Variants in COL4A2 observed in about 807,000 individuals in gnomAD.
The protein encoded by COL4A2 is collagen alpha-2(IV) chain.
Under a neutral mutation model 200.2 loss-of-function variants are expected in COL4A2, and 99 were observed. The ratio of observed to expected loss-of-function variants is 0.49; its 90% CI spans 0.42 to 0.58. COL4A2 has a LOEUF of 0.58. Ranked by LOEUF, COL4A2 falls within the 20% of genes least tolerant of loss-of-function variation. The pLI, the probability that COL4A2 is intolerant of heterozygous loss-of-function variation, is 0.00. For missense variants in COL4A2, 1,950 were observed against 2,314.1 expected (o/e 0.84, Z 3.23); for synonymous variants, 897 against 900.6 (o/e 1.00, Z 0.07).
intron 18 of COL4A2, among the ~76,000 whole-genome samples, chr13:110,448,971 C>T (rs1380159718): frequency 6.6e-6 from 1 of 152,238 alleles, no homozygotes. Flanking sequence ...ACACTCGGCA[C>T]GAAGCTGCCC....
rs969516770 is a variant in COL4A2, at chr13:110,465,718, T to C, written c.1978+112T>C. On this transcript the variant is annotated intron_variant, in intron 25 of 47. Transcript: ENST00000360467. ...CAGATGAGGATGCTGTTTTGCCTCATCTGTTCTCGCACGTACAAGGGATGA... is the reference window on the plus strand; with the variant it reads ...CAGATGAGGATGCTGTTTTGCCTCACCTGTTCTCGCACGTACAAGGGATGA... 6 of 1,063,390 alleles carry C rather than the reference T, an allele frequency of 5.6e-6. No homozygotes were observed. In the African/African-American group the frequency reaches 8.0e-5, roughly 14 times the overall value. 65.9% of individuals were successfully genotyped at this position (1,063,390 alleles called of 1,614,324 possible). A position where few individuals can be genotyped will look rare whatever the true frequency, so the allele number is the denominator to read the frequency against.
At chr13:110,356,184 A>G (rs1254886133) in intron 3 of COL4A2, among the ~76,000 whole-genome samples, 1 of 151,892 alleles carries the variant, frequency 6.6e-6, no homozygotes, top group Non-Finnish European at 1.5e-5. Flanking sequence ...CATCCAGGGA[A>G]CTCCCTCCAT....
In COL4A2 at chr13:110,383,606, C is replaced by CTTTTTTTT. The variant is rs67906394; in HGVS notation, c.180+26074_180+26081dup. On this transcript the variant is annotated intron_variant, in intron 4 of 47. Transcript: ENST00000360467. ...GTGGTTATTTTGTGTCAGCCCTTTT[C>CTTTTTTTT]TTTTTTTTTTTTTTTTTTTTTTTTT... Among the ~76,000 whole-genome samples the CTTTTTTTT allele has an allele frequency of 1.7e-4, 11 of 65,352 alleles. 1 individual carries two copies. Among genetic ancestry groups the CTTTTTTTT allele is most frequent in the East Asian group, 5.1e-4 (1 of 1,968 alleles). The allele number at this position is 65,352 out of a possible 152,430, so 42.9% of individuals were successfully genotyped here.
intron 3 of COL4A2, among the ~76,000 whole-genome samples, chr13:110,329,925 A>G (rs1159578888): frequency 3.9e-5 from 6 of 152,204 alleles, no homozygotes; most frequent in Non-Finnish European, 1.5e-5. Context: ...GTGCAGTGAA[A>G]TACGATATGA....
At position 110,385,825 on chromosome 13, in the gene COL4A2, A is replaced by G. The variant is rs200327519; in HGVS notation, c.180+28273A>G. On this transcript the variant is annotated intron_variant, in intron 4 of 47. Transcript: ENST00000360467. ...TAGGCCGTGGTTACAGTGTGTGGAT[A>G]GGCCGTGGTTACAGTGTGTGGATAG... Among the ~76,000 whole-genome samples, 3 of 51,878 alleles carry G rather than the reference A, an allele frequency of 5.8e-5. 1 individual carries two copies. Among genetic ancestry groups the G allele is most frequent in the African/African-American group, 1.8e-4 (3 of 16,420 alleles). 34.0% of individuals were successfully genotyped at this position (51,878 alleles called of 152,430 possible).
chr13:110,453,563 A>C (rs1057464994), intron 20 of COL4A2, among the ~76,000 whole-genome samples: 1 of 152,218 alleles, frequency 6.6e-6, no homozygotes, highest in South Asian at 2.1e-4. Context: ...TAACGTTGCC[A>C]TTATTCCTGT....
At chr13:110,470,943 GTCTGTA>G (rs1882447616) in intron 28 of COL4A2, among the ~76,000 whole-genome samples, 1 of 152,094 alleles carries the variant, frequency 6.6e-6, no homozygotes, top group African/African-American at 2.4e-5. Context: ...GGCTTCCTGT[GTCTGTA>G]TCAAGGCCCT....
chr13:110,310,759 G>T (rs747220314), intron 3 of COL4A2, among the ~76,000 whole-genome samples: 6 of 152,182 alleles, frequency 3.9e-5, no homozygotes, highest in Non-Finnish European at 8.8e-5. Flanking sequence ...GCTAGGATGG[G>T]CAGTGAAGAG....
intron 47 of COL4A2, among the ~76,000 whole-genome samples, chr13:110,511,176 G>A (rs1184809068): frequency 2.0e-5 from 3 of 151,246 alleles, no homozygotes; most frequent in South Asian, 4.2e-4. Context: ...CAGGAGGCCT[G>A]CCGTGCGCTT....
chr13:110,381,388 G>C (rs1038370996), intron 4 of COL4A2, among the ~76,000 whole-genome samples: 2 of 152,190 alleles, frequency 1.3e-5, no homozygotes, highest in African/African-American at 4.8e-5. Context: ...CTCCTCTACC[G>C]TAGCCAGATT....
intron 6 of COL4A2, among the ~76,000 whole-genome samples, 164 bp from the exon 7 acceptor site, chr13:110,428,302 CT>C (rs1428218734): frequency 6.6e-6 from 1 of 152,224 alleles, no homozygotes; most frequent in Non-Finnish European, 1.5e-5. Context: ...TATGCCTTCA[CT>C]TATTTAATCT....
At position 110,438,667 on chromosome 13, in the gene COL4A2, G is replaced by C; in HGVS notation, c.911G>C (p.Arg304Thr). The C allele has an allele frequency of 6.2e-7, 1 of 1,614,214 alleles. No homozygotes were observed. The highest frequency in any genetic ancestry group is 8.5e-7 in the Non-Finnish European group (1 of 1,180,028). The change falls in exon 15 of 48, where the codon AGG (arginine) becomes ACG (threonine). Residue 304 changes from arginine to threonine, a missense_variant and splice_region_variant. Arg to Thr is a moderately conservative substitution (Grantham distance 71, BLOSUM62 -1). This residue lies in a region of COL4A2 where 565 missense variants were observed against 593.5 expected (regional missense o/e 0.95). Coordinates refer to ENST00000360467, the MANE Select transcript of COL4A2 (RefSeq NM_001846.4). ...EEGIMGFPGL[R>T]GYPGLSGEKG... Reference sequence around the variant, plus strand: ...GGAATCATGGGCTTTCCTGGACTGAGGGTAAACCACGCCTTTTATAACTGC... The same window carrying C: ...GGAATCATGGGCTTTCCTGGACTGACGGTAAACCACGCCTTTTATAACTGC...
chr13:110,350,271 A>G (rs1252073575), intron 3 of COL4A2, among the ~76,000 whole-genome samples: 2 of 152,228 alleles, frequency 1.3e-5, no homozygotes, highest in Non-Finnish European at 2.9e-5. Context: ...TACACTGCCA[A>G]CTGGCTCCTA....
At chr13:110,493,339 C>T (rs957579132) in intron 39 of COL4A2, 57 bp downstream of exon 39, 2 of 1,569,394 alleles carry the variant, frequency 1.3e-6, no homozygotes, top group African/African-American at 1.4e-5. Flanking sequence ...GGTGGGGACT[C>T]TGTGCTGAGT....
intron 4 of COL4A2, among the ~76,000 whole-genome samples, chr13:110,380,794 G>A (rs1482684761): frequency 2.2e-5 from 3 of 134,052 alleles, no homozygotes; most frequent in African/African-American, 8.5e-5. Context: ...CGGGCTCTAT[G>A]TCACACCCAT....
At chr13:110,443,508 A>C (rs192948708) in intron 16 of COL4A2, among the ~76,000 whole-genome samples, 16 of 152,328 alleles carry the variant, frequency 1.1e-4, no homozygotes, top group Admixed American at 9.2e-4. Context: ...TTGTACTTCT[A>C]AAATTGCATA....
At chr13:110,447,946 A>G (rs1178332357) in intron 18 of COL4A2, among the ~76,000 whole-genome samples, 2 of 152,164 alleles carry the variant, frequency 1.3e-5, no homozygotes, top group African/African-American at 4.8e-5. Flanking sequence ...TCTTCATCCA[A>G]TGCTGATCAA....
intron 4 of COL4A2, among the ~76,000 whole-genome samples, chr13:110,388,344 G>C (rs1326256193): frequency 6.6e-6 from 1 of 152,188 alleles, no homozygotes; most frequent in African/African-American, 2.4e-5. Flanking sequence ...GTGTGGGCGT[G>C]GCTCGGTGCT....
intron 3 of COL4A2, among the ~76,000 whole-genome samples, chr13:110,339,313 G>C (rs991387198): frequency 1.3e-5 from 2 of 152,228 alleles, no homozygotes; most frequent in Non-Finnish European, 2.9e-5. Flanking sequence ...CAATAGCATC[G>C]TGATGAGATT....
Sources: gnomAD v4.1 joint callset for allele counts (sites outside exome capture counted in the v4.1 genomes callset) on GRCh38, gnomAD v4.1.1 for gene constraint, gnomAD v4.1.1 regional missense constraint, MANE v1.5 for transcripts, NCBI Gene and HGNC (gene_info 2026-07-23, HGNC 2026-07-21) for gene names.